CLDN14: variants seen among roughly 807,000 people sequenced by gnomAD.
CLDN14 encodes claudin 14.
Under a neutral mutation model 2.1 loss-of-function variants are expected in CLDN14, and 2 were observed. That is an observed-to-expected ratio of 0.96 (90% CI 0.39 to 3.01). CLDN14 has a LOEUF of 3.01. CLDN14 is among the 30% of genes most tolerant of loss of function. The probability of loss-of-function intolerance (pLI) is 0.09; values close to 1 mark genes in which losing one functional copy is unlikely to be tolerated. For synonymous variants in CLDN14, 136 were observed against 154.4 expected, an observed-to-expected ratio of 0.88 and a Z score of 0.88; for missense variants, 298 against 328.0, an observed-to-expected ratio of 0.91 and a Z score of 0.71.
chr21:36,536,279 G>C (rs2087423245), intron 1 of CLDN14, among the ~76,000 whole-genome samples: 1 of 152,192 alleles, frequency 6.6e-6, no homozygotes, highest in Non-Finnish European at 1.5e-5. Flanking sequence ...AGACAGTAGG[G>C]GACTGAGGAC....
intron 2 of CLDN14, among the ~76,000 whole-genome samples, chr21:36,485,456 G>A (rs529813109): frequency 8.3e-4 from 127 of 152,242 alleles, no homozygotes; most frequent in Non-Finnish European, 1.5e-3. Context: ...TGATCCACCC[G>A]CCTCAGCATC....
At chr21:36,486,479 A>T in intron 2 of CLDN14, 1 of 1,550,100 alleles carries the variant, frequency 6.5e-7, no homozygotes, top group Non-Finnish European at 8.9e-7. Context: ...ACTGGGATCT[A>T]CTCCAAATTC....
intron 2 of CLDN14, among the ~76,000 whole-genome samples, chr21:36,489,131 A>AAAAAAAAAAAAAATATATATATAT: frequency 1.6e-5 from 1 of 62,738 alleles, no homozygotes; most frequent in Non-Finnish European, 3.0e-5. Context: ...AAAAAAAAAA[A>AAAAAAAAAAAAAATATATATATAT]ATATATATAT....
chr21:36,559,172 G>GTTTTATTTTATTTTA lies in CLDN14; in HGVS notation c.-220+17224_-220+17238dup, dbSNP rs143202991. ...TTTTCCTATTCCTAGTTTGTTGAGA[G>GTTTTATTTTATTTTA]TTTTATTTTATTTTATTTTATTTTA... is the stretch of plus-strand genomic sequence containing the variant. On this transcript the variant is annotated intron_variant, in intron 1 of 2. Coordinates refer to the CLDN14 transcript ENST00000342108. Among the ~76,000 whole-genome samples the GTTTTATTTTATTTTA allele has an allele frequency of 2.0e-5, 3 of 148,750 alleles. No homozygotes were observed. In the East Asian group the frequency reaches 5.9e-4, roughly 29 times the overall value.
At chr21:36,504,447 G>T (rs2087114791) in intron 2 of CLDN14, among the ~76,000 whole-genome samples, 1 of 152,070 alleles carries the variant, frequency 6.6e-6, no homozygotes, top group South Asian at 2.1e-4. Context: ...TGCTACTTCA[G>T]GTTCCGAAAG....
rs192506453 is a variant in CLDN14 at position 36,497,423 on chromosome 21, G to A, written c.-82+12940C>T. Among the ~76,000 whole-genome samples the A allele has an allele frequency of 1.2e-4, 15 of 122,404 alleles. 1 individual carries two copies. Among genetic ancestry groups the A allele is most frequent in the African/African-American group, 4.6e-4 (14 of 30,136 alleles). The allele number at this position is 122,404 out of a possible 152,430, so 80.3% of individuals were successfully genotyped here. On this transcript the variant is annotated intron_variant, in intron 2 of 2. Coordinates refer to the CLDN14 transcript ENST00000342108. ...GGAGGGAGGGAGGGAGGAAGGGAGGGAGGCAGGCGGCAGGCACACGCACAC... is the reference window on the plus strand; with the variant it reads ...GGAGGGAGGGAGGGAGGAAGGGAGGAAGGCAGGCGGCAGGCACACGCACAC...
chr21:36,553,259 T>C (rs943949995), intron 1 of CLDN14, among the ~76,000 whole-genome samples: 10 of 152,104 alleles, frequency 6.6e-5, no homozygotes, highest in African/African-American at 2.4e-4. Flanking sequence ...CTGCCTTCAG[T>C]GGACCCTTGG....
At chr21:36,486,065 G>A in intron 2 of CLDN14, 1 of 1,404,382 alleles carries the variant, frequency 7.1e-7, no homozygotes, top group Non-Finnish European at 1.0e-6. Context: ...GTTTCAAATG[G>A]CTTCATTGTT....
At position 36,569,915 on chromosome 21, in the gene CLDN14, A is replaced by C. The variant is rs570123359; in HGVS notation, c.-220+6496T>G. Among the ~76,000 whole-genome samples, 5 of 152,376 alleles carry C rather than the reference A, an allele frequency of 3.3e-5. No homozygotes were observed. The East Asian group carries it at 7.7e-4, about 23-fold the overall frequency. On this transcript the variant is annotated intron_variant, in intron 1 of 2. Coordinates refer to the CLDN14 transcript ENST00000342108. ...CGCAAAAGTATCTGAGACAGGTCTCAATCCATTTAGAAAGTTTATTTTGTC... is the reference window on the plus strand; with the variant it reads ...CGCAAAAGTATCTGAGACAGGTCTCCATCCATTTAGAAAGTTTATTTTGTC...
At chr21:36,519,633 C>T (rs968496951) in intron 1 of CLDN14, among the ~76,000 whole-genome samples, 2 of 152,158 alleles carry the variant, frequency 1.3e-5, no homozygotes, top group African/African-American at 4.8e-5. Flanking sequence ...TCTTTTGAAC[C>T]CGGCAGGTGG....
chr21:36,470,240 C>T (rs540755054), intron 1 of CLDN14, among the ~76,000 whole-genome samples: 2 of 152,120 alleles, frequency 1.3e-5, no homozygotes, highest in Non-Finnish European at 2.9e-5. Flanking sequence ...CAGAATGTGA[C>T]CTTATTTGGA....
chr21:36,561,054 T>C (rs941164943), intron 1 of CLDN14, among the ~76,000 whole-genome samples: 1 of 152,258 alleles, frequency 6.6e-6, no homozygotes, highest in Non-Finnish European at 1.5e-5. Flanking sequence ...GAAATTATTC[T>C]GCTACAAGAA....
intron 2 of CLDN14, among the ~76,000 whole-genome samples, chr21:36,505,453 C>T (rs1045196211): frequency 2.0e-5 from 3 of 152,072 alleles, no homozygotes; most frequent in Non-Finnish European, 4.4e-5. Context: ...GACCAAACAG[C>T]TAAGAAAGGG....
At chr21:36,575,955 G>A (rs560359907) in intron 1 of CLDN14, among the ~76,000 whole-genome samples, 5 of 152,206 alleles carry the variant, frequency 3.3e-5, no homozygotes, top group South Asian at 2.1e-4. Flanking sequence ...ATCCAGAAAC[G>A]CATTGAATTT....
chr21:36,513,994 A>C (rs4817804), intron 1 of CLDN14, among the ~76,000 whole-genome samples: 1 of 151,852 alleles, frequency 6.6e-6, no homozygotes, highest in Non-Finnish European at 1.5e-5. Context: ...CACCATGCCT[A>C]GCTTATTTTT....
chr21:36,531,211 A>C (rs561385581), intron 1 of CLDN14, among the ~76,000 whole-genome samples: 1 of 152,202 alleles, frequency 6.6e-6, no homozygotes, highest in South Asian at 2.1e-4. Flanking sequence ...CTGGGTGAAG[A>C]GTGAGACCCT....
At chr21:36,555,376 G>A (rs955785860) in intron 1 of CLDN14, among the ~76,000 whole-genome samples, 24 of 152,220 alleles carry the variant, frequency 1.6e-4, no homozygotes, top group African/African-American at 5.8e-4. Flanking sequence ...AAGGTGGTTC[G>A]GCTCCCGTGC....
intron 1 of CLDN14, among the ~76,000 whole-genome samples, chr21:36,546,821 TAGAG>T (rs2087528870): frequency 6.6e-6 from 1 of 152,206 alleles, no homozygotes; most frequent in Non-Finnish European, 1.5e-5. Flanking sequence ...TCTAATGAGA[TAGAG>T]AGTACATTAT....
intron 1 of CLDN14, among the ~76,000 whole-genome samples, chr21:36,515,050 C>G (rs1201445696): frequency 6.6e-6 from 1 of 152,142 alleles, no homozygotes; most frequent in African/African-American, 2.4e-5. Flanking sequence ...AACCAAAACC[C>G]TTGAAAACAG....
Sources: gnomAD v4.1 joint callset for allele counts (sites outside exome capture counted in the v4.1 genomes callset) on GRCh38, gnomAD v4.1.1 for gene constraint, MANE v1.5 for transcripts, NCBI Gene and HGNC (gene_info 2026-07-23, HGNC 2026-07-21) for gene names.